MAP3K4: variants seen among roughly 807,000 people sequenced by gnomAD.
MAP3K4 encodes the protein mitogen-activated protein kinase kinase kinase 4.
Under a neutral mutation model 185.6 loss-of-function variants are expected in MAP3K4, and 67 were observed. The observed-to-expected ratio is 0.36, with a 90% CI of 0.30 to 0.44. The LOEUF (loss-of-function observed/expected upper bound fraction) is 0.44. MAP3K4 is among the 20% of genes least tolerant of loss of function. MAP3K4 has a pLI of 1.00. For synonymous variants in MAP3K4, 702 were observed against 710.4 expected, an observed-to-expected ratio of 0.99 and a Z score of 0.19; for missense variants, 1,551 against 1,995.1, an observed-to-expected ratio of 0.78 and a Z score of 4.24.
Position 161,108,067 on chromosome 6 carries a change from A to C in MAP3K4, c.4119+98A>C. 2.9e-6 allele frequency: 3 copies of C among 1,023,982 alleles called. No individual in the cohort carries two copies. The highest frequency in any genetic ancestry group is 4.3e-6 in the Non-Finnish European group (3 of 690,860). 63.4% of individuals were successfully genotyped at this position (1,023,982 alleles called of 1,614,324 possible). Reference sequence around the variant, plus strand: ...TCGTGATTCAGTTCTCTGTGCGTAGAGCTGTCTTCAGCACCAGCACTGCGA... The same window carrying C: ...TCGTGATTCAGTTCTCTGTGCGTAGCGCTGTCTTCAGCACCAGCACTGCGA... On this transcript the variant is annotated intron_variant, in intron 21 of 26. Coordinates refer to ENST00000392142, the MANE Select transcript of MAP3K4 (RefSeq NM_005922.4). This position sits in a 1 kb window ranked among gnomAD's most constrained non-coding sequence, Gnocchi z 5.7.
At position 161,053,231 on chromosome 6, in the gene MAP3K4, T is replaced by G. The variant is rs1784084333; in HGVS notation, c.1707+3252T>G. Reference sequence around the variant, plus strand: ...GCACGGGCAGGGTGAAGGTGCTCCATTCTTTTAAACAACCAGATCTCTTGA... The same window carrying G: ...GCACGGGCAGGGTGAAGGTGCTCCAGTCTTTTAAACAACCAGATCTCTTGA... On this transcript the variant is annotated intron_variant, in intron 3 of 26. Transcript: ENST00000392142. This position sits in a 1 kb window ranked among gnomAD's most constrained non-coding sequence, Gnocchi z 4.2. Among the ~76,000 whole-genome samples, 1 of 152,060 alleles carries G rather than the reference T, an allele frequency of 6.6e-6. No individual in the cohort carries two copies. Among genetic ancestry groups the G allele is most frequent in the Non-Finnish European group, 1.5e-5 (1 of 67,992 alleles).
intron 1 of MAP3K4, among the ~76,000 whole-genome samples, chr6:160,998,365 TATG>T (rs1406354516): frequency 1.3e-5 from 2 of 152,236 alleles, no homozygotes; most frequent in Admixed American, 6.5e-5. Flanking sequence ...TAAAACTTTT[TATG>T]ATGAACGTGT....
At chr6:161,111,467 G>C (rs1778348412) in intron 23 of MAP3K4, among the ~76,000 whole-genome samples, 1 of 152,204 alleles carries the variant, frequency 6.6e-6, no homozygotes, top group Non-Finnish European at 1.5e-5. Context: ...GTCGCTTCCT[G>C]TTTCAGACGC....
chr6:161,075,300 G>A lies in MAP3K4; in HGVS notation c.2097+1688G>A, dbSNP rs1184093949. ...CTCCCTAATAACTGGGACCACAGGCGTGTGCCACCACACCTGGCTAATTTT... is the reference window on the plus strand; with the variant it reads ...CTCCCTAATAACTGGGACCACAGGCATGTGCCACCACACCTGGCTAATTTT... On this transcript the variant is annotated intron_variant, in intron 5 of 26. Transcript: ENST00000392142. This position sits in a 1 kb window ranked among gnomAD's most constrained non-coding sequence, Gnocchi z 4.3. Among the ~76,000 whole-genome samples, 3 of 152,010 alleles carry A rather than the reference G, an allele frequency of 2.0e-5. No individual in the cohort carries two copies. Among genetic ancestry groups the A allele is most frequent in the African/African-American group, 4.8e-5 (2 of 41,386 alleles).
Position 160,992,012 on chromosome 6 carries a change from A to ACCGCCGCCACCG in MAP3K4, c.89_90insACCGCCGCCGCC (p.Pro33_Pro36dup). 1.3e-6 allele frequency: 2 copies of ACCGCCGCCACCG among 1,539,728 alleles called. No individual in the cohort carries two copies. The highest frequency in any genetic ancestry group is 2.5e-5 in the East Asian group (1 of 39,890). On this transcript the variant is annotated inframe_insertion, in exon 1 of 27. Transcript: ENST00000392142. The stretch of plus-strand genomic sequence containing the variant: ...CCGCCGCCATGGAGGAGCCGCCGCC[A>ACCGCCGCCACCG]CCGCCGCCGCCGCCACCACCGCCAC...
chr6:161,060,514 C>T (rs1185921587), intron 3 of MAP3K4, among the ~76,000 whole-genome samples: 1 of 152,086 alleles, frequency 6.6e-6, no homozygotes, highest in African/African-American at 2.4e-5. Flanking sequence ...CCTTTTTTCA[C>T]AGTCCTTTGA....
Position 161,048,131 on chromosome 6 carries a change from A to G in MAP3K4, c.344-485A>G, listed in dbSNP as rs531338232. 9.0e-5 allele frequency: 39 copies of G among 434,184 alleles called. No homozygotes were observed. Among genetic ancestry groups the G allele is most frequent in the Middle Eastern group, 8.0e-4 (2 of 2,486 alleles). 26.9% of individuals were successfully genotyped at this position (434,184 alleles called of 1,614,324 possible). A position where few individuals can be genotyped will look rare whatever the true frequency, so the allele number is the denominator to read the frequency against. On this transcript the variant is annotated intron_variant, in intron 2 of 26. Coordinates refer to ENST00000392142, the MANE Select transcript of MAP3K4 (RefSeq NM_005922.4). This position sits in a 1 kb window ranked among gnomAD's most constrained non-coding sequence, Gnocchi z 4.7. ...GGGTGCCTTAAGTATTCTTGCATCA[A>G]TGTGCCTAATTTTATCAATGAGAAA...
Position 161,061,660 on chromosome 6 carries a change from C to T in MAP3K4, c.1708-8948C>T, listed in dbSNP as rs762202843. The stretch of plus-strand genomic sequence containing the variant: ...GCCCTATCTCTAGGCAACCGCTAAT[C>T]TACTTTCTGTCTCTTAATATTTGCC... On this transcript the variant is annotated intron_variant, in intron 3 of 26. Coordinates refer to ENST00000392142, the MANE Select transcript of MAP3K4 (RefSeq NM_005922.4). This position sits in a 1 kb window ranked among gnomAD's most constrained non-coding sequence, Gnocchi z 4.2. Among the ~76,000 whole-genome samples, 21 of 152,208 alleles carry T rather than the reference C, an allele frequency of 1.4e-4. No homozygotes were observed. Among genetic ancestry groups the T allele is most frequent in the Non-Finnish European group, 2.9e-4 (20 of 68,032 alleles).
chr6:161,023,073 T>C (rs1782477906), intron 1 of MAP3K4, among the ~76,000 whole-genome samples: 1 of 152,244 alleles, frequency 6.6e-6, no homozygotes, highest in Non-Finnish European at 1.5e-5. Flanking sequence ...ATCTGTCTTT[T>C]TCCAGCTTTA....
At chr6:160,994,815 C>T (rs984513633) in intron 1 of MAP3K4, among the ~76,000 whole-genome samples, 13 of 152,154 alleles carry the variant, frequency 8.5e-5, no homozygotes, top group African/African-American at 3.1e-4. Flanking sequence ...ATTCTCCTGC[C>T]TCAGCCTCCC....
intron 1 of MAP3K4, among the ~76,000 whole-genome samples, chr6:161,015,520 G>A (rs767500440): frequency 6.6e-6 from 1 of 152,148 alleles, no homozygotes; most frequent in Non-Finnish European, 1.5e-5. Context: ...TCGAGGCTGG[G>A]TAATTTATAA....
chr6:161,023,079 C>T (rs1411522050), intron 1 of MAP3K4, among the ~76,000 whole-genome samples: 1 of 152,108 alleles, frequency 6.6e-6, no homozygotes, highest in African/African-American at 2.4e-5. Context: ...CTTTTTCCAG[C>T]TTTATATGAA....
rs887553212 is a variant in MAP3K4 at position 161,034,207 on chromosome 6, A to T, written c.153-52A>T. The T allele has an allele frequency of 2.2e-5, 30 of 1,356,800 alleles. No homozygotes were observed. The highest frequency in any genetic ancestry group is 1.9e-4 in the Middle Eastern group (1 of 5,290). The allele number at this position is 1,356,800 out of a possible 1,614,324, so 84.0% of individuals were successfully genotyped here. A position where few individuals can be genotyped will look rare whatever the true frequency, so the allele number is the denominator to read the frequency against. Reference sequence around the variant, plus strand: ...ATTTAAAAAATTATAAGTAAATTTGAATTCACTTAACTGTGTTGCTGAATA... The same window carrying T: ...ATTTAAAAAATTATAAGTAAATTTGTATTCACTTAACTGTGTTGCTGAATA... On this transcript the variant is annotated intron_variant, in intron 1 of 26. Coordinates refer to ENST00000392142, the MANE Select transcript of MAP3K4 (RefSeq NM_005922.4). The surrounding 1 kb of genome is among the most constrained non-coding windows in gnomAD (Gnocchi z 4.4).
Position 161,086,560 on chromosome 6 carries a change from G to C in MAP3K4, c.2473-24G>C. 1 of 1,609,134 alleles carries C rather than the reference G, an allele frequency of 6.2e-7. No homozygotes were observed. Among genetic ancestry groups the C allele is most frequent in the Non-Finnish European group, 8.5e-7 (1 of 1,177,590 alleles). On this transcript the variant is annotated intron_variant, in intron 8 of 26. Coordinates refer to ENST00000392142, the MANE Select transcript of MAP3K4 (RefSeq NM_005922.4). The surrounding 1 kb of genome is among the most constrained non-coding windows in gnomAD (Gnocchi z 4.8). Reference sequence around the variant, plus strand: ...TTTTTTTAATGCTAACCGTAAAGAAGTTTCTTTGTAACTGTGATCCTAGGA... The same window carrying C: ...TTTTTTTAATGCTAACCGTAAAGAACTTTCTTTGTAACTGTGATCCTAGGA...
At chr6:161,089,526 T>A in intron 11 of MAP3K4, 55 bp downstream of exon 11, 1 of 1,584,462 alleles carries the variant, frequency 6.3e-7, no homozygotes, top group Non-Finnish European at 8.6e-7. Flanking sequence ...TGAAAGTCAG[T>A]GTGTGGTAAT....
chr6:161,037,639 A>G lies in MAP3K4; in HGVS notation c.343+3190A>G, dbSNP rs1783234558. Among the ~76,000 whole-genome samples the G allele has an allele frequency of 6.6e-6, 1 of 151,852 alleles. No individual in the cohort carries two copies. Among genetic ancestry groups the G allele is most frequent in the Admixed American group, 6.6e-5 (1 of 15,238 alleles). On this transcript the variant is annotated intron_variant, in intron 2 of 26. Transcript: ENST00000392142. This position sits in a 1 kb window ranked among gnomAD's most constrained non-coding sequence, Gnocchi z 4.2. ...CGCTATGTTGGCCAGGCTGGTCTCG[A>G]ACTGCTGACCTCAGGTGATCCACCT...
intron 1 of MAP3K4, among the ~76,000 whole-genome samples, chr6:160,999,328 ATTTAT>A (rs1472710257): frequency 2.6e-5 from 4 of 152,354 alleles, no homozygotes; most frequent in East Asian, 1.9e-4. Flanking sequence ...ACGATAGTAC[ATTTAT>A]TTTATTTAAA....
intron 1 of MAP3K4, among the ~76,000 whole-genome samples, chr6:161,033,090 C>A (rs563220734): frequency 6.6e-6 from 1 of 152,146 alleles, no homozygotes; most frequent in East Asian, 1.9e-4. Context: ...TGGGATCATA[C>A]ATTGTAGAGT....
chr6:161,093,399 A>G lies in MAP3K4; in HGVS notation c.3348+343A>G, dbSNP rs745520667. On this transcript the variant is annotated intron_variant, in intron 14 of 26. Transcript: ENST00000392142. This position sits in a 1 kb window ranked among gnomAD's most constrained non-coding sequence, Gnocchi z 5.2. ...CAGTGTGCATCATTTTGAGAGCATCATGCTCGTGTTAAATATTATCACTGT... is the reference window on the plus strand; with the variant it reads ...CAGTGTGCATCATTTTGAGAGCATCGTGCTCGTGTTAAATATTATCACTGT... Among the ~76,000 whole-genome samples, 1 of 152,248 alleles carries G rather than the reference A, an allele frequency of 6.6e-6. No homozygotes were observed. The highest frequency in any genetic ancestry group is 1.5e-5 in the Non-Finnish European group (1 of 68,048).
Sources: allele counts gnomAD v4.1 joint callset (sites outside exome capture counted in the v4.1 genomes callset), GRCh38; gene constraint gnomAD v4.1.1; non-coding constraint Gnocchi (gnomAD v3.1); transcripts MANE v1.5; gene names NCBI Gene and HGNC (gene_info 2026-07-23, HGNC 2026-07-21).